ATP10A: variants seen among roughly 807,000 people sequenced by gnomAD.
The protein encoded by ATP10A is phospholipid-transporting ATPase VA.
ATP10A carries 111 observed loss-of-function variants against 147.8 expected under a neutral mutation model. The ratio of observed to expected loss-of-function variants is 0.75; its 90% confidence interval spans 0.64 to 0.88. The LOEUF (loss-of-function observed/expected upper bound fraction) is 0.88, where lower values mean the gene tolerates loss of function less well. Ranked by LOEUF, ATP10A falls within the 40% of genes least tolerant of loss-of-function variation. The pLI, the probability that ATP10A is intolerant of heterozygous loss-of-function variation, is 0.00. For synonymous variants in ATP10A, 875 were observed against 841.6 expected (o/e 1.04, Z -0.69); for missense variants, 1,927 against 1,959.0 (o/e 0.98, Z 0.31).
At position 25,706,604 on chromosome 15, in the gene ATP10A, AG is replaced by A. The variant is rs573900324; in HGVS notation, c.2575+1371del. Among the ~76,000 whole-genome samples the A allele has an allele frequency of 7.2e-5, 11 of 152,332 alleles. No individual in the cohort carries two copies. In the East Asian group the frequency reaches 2.1e-3, roughly 29 times the overall value. On this transcript the variant is annotated intron_variant, in intron 12 of 20. Coordinates refer to ENST00000555815, the MANE Select transcript of ATP10A (RefSeq NM_024490.4). ...GCTCTGAGAGCAGGGAAGATGGAGA[AG>A]GGGCAGCCTGGGACTCACAGCCATG... is the stretch of plus-strand genomic sequence containing the variant.
intron 14 of ATP10A, among the ~76,000 whole-genome samples, chr15:25,693,788 G>C (rs979959605): frequency 6.6e-6 from 1 of 152,184 alleles, no homozygotes; most frequent in Non-Finnish European, 1.5e-5. Context: ...CATGACGACC[G>C]TGTTCAGGCC....
chr15:25,724,672 A>C (rs1902437586), intron 5 of ATP10A, among the ~76,000 whole-genome samples: 1 of 152,224 alleles, frequency 6.6e-6, no homozygotes, highest in East Asian at 1.9e-4. Flanking sequence ...AGTTCCCATT[A>C]GTAACATCTG....
chr15:25,743,884 C>T (rs929189644), intron 2 of ATP10A, among the ~76,000 whole-genome samples: 3 of 152,148 alleles, frequency 2.0e-5, no homozygotes, highest in South Asian at 4.1e-4. Context: ...CTGTCTCACG[C>T]TGTATCACTT....
chr15:25,821,016 T>C lies in ATP10A; in HGVS notation c.450-39793A>G, dbSNP rs375257945. 1.7e-4 allele frequency among the ~76,000 whole-genome samples: 26 copies of C among 152,260 alleles called. No homozygotes were observed. The East Asian group carries it at 3.5e-3, about 20-fold the overall frequency. ...AATACTTGACAGATAAAAATAAACA[T>C]ACATTACAGTCATATCAATATATCC... is the stretch of plus-strand genomic sequence containing the variant. On this transcript the variant is annotated intron_variant, in intron 1 of 20. Coordinates refer to ENST00000555815, the MANE Select transcript of ATP10A (RefSeq NM_024490.4).
chr15:25,698,520 T>C (rs113717051), intron 13 of ATP10A, among the ~76,000 whole-genome samples: 24 of 148,606 alleles, frequency 1.6e-4, no homozygotes, highest in Admixed American at 4.0e-4. Flanking sequence ...CTATTTGTTA[T>C]CAGTAAGGCT....
intron 5 of ATP10A, among the ~76,000 whole-genome samples, chr15:25,724,857 C>A (rs540910126): frequency 6.6e-6 from 1 of 152,318 alleles, no homozygotes; most frequent in Admixed American, 6.5e-5. Flanking sequence ...ATTCAACCAA[C>A]CATGGACCAA....
intron 5 of ATP10A, among the ~76,000 whole-genome samples, chr15:25,724,644 T>C (rs1902435853): frequency 6.6e-6 from 1 of 152,250 alleles, no homozygotes; most frequent in African/African-American, 2.4e-5. Flanking sequence ...AAGCCATTTT[T>C]TGTTTCTCTT....
chr15:25,770,776 C>A (rs1889291882), intron 2 of ATP10A, among the ~76,000 whole-genome samples: 1 of 152,284 alleles, frequency 6.6e-6, no homozygotes, highest in Non-Finnish European at 1.5e-5. Flanking sequence ...AGGGCAAATG[C>A]ACCTGACAGC....
chr15:25,794,401 T>C (rs139339721), intron 1 of ATP10A, among the ~76,000 whole-genome samples: 249 of 152,152 alleles, frequency 1.6e-3, no homozygotes, highest in Non-Finnish European at 2.0e-3. Context: ...CTCCAAAAAA[T>C]ATCACAATAT....
intron 16 of ATP10A, chr15:25,683,903 A>G (rs1366259259): frequency 5.5e-6 from 1 of 182,226 alleles, no homozygotes; most frequent in Non-Finnish European, 1.2e-5. Context: ...CTGTGACCCC[A>G]GACAAAGCCT....
intron 1 of ATP10A, among the ~76,000 whole-genome samples, chr15:25,797,692 T>C (rs1166676397): frequency 6.6e-6 from 1 of 152,148 alleles, no homozygotes; most frequent in Non-Finnish European, 1.5e-5. Context: ...AGCACGCAGA[T>C]CCTTCTCTGT....
At chr15:25,756,263 CTGTT>C (rs750058992) in intron 2 of ATP10A, among the ~76,000 whole-genome samples, 18 of 152,268 alleles carry the variant, frequency 1.2e-4, no homozygotes, top group Non-Finnish European at 2.4e-4. Context: ...ATTTGTGTGT[CTGTT>C]TGTCTATATG....
intron 12 of ATP10A, among the ~76,000 whole-genome samples, chr15:25,706,964 G>T (rs931068734): frequency 6.6e-6 from 1 of 152,150 alleles, no homozygotes; most frequent in Non-Finnish European, 1.5e-5. Context: ...CAAAACTTCA[G>T]GGCCTAAAAC....
chr15:25,863,825 T>C (rs1005211794), upstream of ATP10A: 1 of 152,288 alleles, frequency 6.6e-6, no homozygotes, highest in Non-Finnish European at 1.5e-5. Context: ...ACTTCTTTCC[T>C]ACCCCACTTC....
intron 7 of ATP10A, among the ~76,000 whole-genome samples, chr15:25,720,409 A>G (rs1333624598): frequency 3.3e-5 from 5 of 152,186 alleles, no homozygotes; most frequent in African/African-American, 7.2e-5. Flanking sequence ...CTCAAAACCT[A>G]TTCCTCGTGT....
chr15:25,792,959 C>T (rs1890502193), intron 1 of ATP10A, among the ~76,000 whole-genome samples: 1 of 151,238 alleles, frequency 6.6e-6, no homozygotes, highest in Non-Finnish European at 1.5e-5. Context: ...CAACCTCCAC[C>T]TCCCAGGTTC....
At chr15:25,676,397 A>C (rs1314619878), downstream of ATP10A, among the ~76,000 whole-genome samples, 2 of 152,150 alleles carry the variant, frequency 1.3e-5, no homozygotes, top group Non-Finnish European at 2.9e-5. Flanking sequence ...TGCAGGGGAG[A>C]AGCTCTGCTT....
chr15:25,793,493 T>C (rs778541812), intron 1 of ATP10A, among the ~76,000 whole-genome samples: 13 of 152,222 alleles, frequency 8.5e-5, no homozygotes, highest in African/African-American at 1.2e-4. Context: ...TAAGTGCTCA[T>C]TGTGCTCCCT....
intron 16 of ATP10A, among the ~76,000 whole-genome samples, chr15:25,685,111 T>A (rs1374583297): frequency 6.6e-6 from 1 of 152,172 alleles, no homozygotes; most frequent in East Asian, 1.9e-4. Flanking sequence ...AATTGAGATT[T>A]TTTTTCCTAT....
Sources: gnomAD v4.1 joint callset for allele counts (sites outside exome capture counted in the v4.1 genomes callset) on GRCh38, gnomAD v4.1.1 for gene constraint, MANE v1.5 for transcripts, NCBI Gene and HGNC (gene_info 2026-07-23, HGNC 2026-07-21) for gene names.